The following C12orf42 variants were observed in gnomAD, a reference collection of about 807,000 sequenced individuals.
C12orf42 encodes chromosome 12 open reading frame 42.
In C12orf42, 25 loss-of-function variants were observed where a neutral mutation model predicts 21.6. The observed-to-expected ratio is 1.16, with a 90% CI of 0.84 to 1.62. C12orf42 has a LOEUF of 1.62. Ranked by LOEUF, C12orf42 falls within the 40% of genes most tolerant of loss-of-function variation. The probability of loss-of-function intolerance (pLI) is 0.00; values close to 1 mark genes in which losing one functional copy is unlikely to be tolerated. For missense variants in C12orf42, 483 were observed against 459.3 expected, an observed-to-expected ratio of 1.05 and a Z score of -0.47; for synonymous variants, 174 against 175.0, an observed-to-expected ratio of 0.99 and a Z score of 0.05.
chr12:103,198,132 A>G, the C12orf42 span, among the ~76,000 whole-genome samples: 1 of 152,234 alleles, frequency 6.6e-6, no homozygotes, highest in Non-Finnish European at 1.5e-5. Flanking sequence ...CATACATGCA[A>G]TAGTGGCGGT....
At chr12:103,451,868 C>A (rs927363190) in intron 2 of C12orf42, among the ~76,000 whole-genome samples, 1 of 152,008 alleles carries the variant, frequency 6.6e-6, no homozygotes, top group Non-Finnish European at 1.5e-5. Flanking sequence ...GCTTGTAGCC[C>A]AGTTCCAAAA....
the C12orf42 span, among the ~76,000 whole-genome samples, chr12:103,173,702 C>T: frequency 1.3e-5 from 2 of 152,130 alleles, no homozygotes; most frequent in South Asian, 2.1e-4. Context: ...GTCCTCTCCC[C>T]GTGATTCTTT....
chr12:103,261,825 G>A (rs1331268812), intron 10 of C12orf42, among the ~76,000 whole-genome samples: 2 of 152,060 alleles, frequency 1.3e-5, no homozygotes, highest in African/African-American at 2.4e-5. Context: ...TTTACCATTA[G>A]AAGGAAAGTT....
At chr12:103,147,503 CTTTTTTT>C in the C12orf42 span, among the ~76,000 whole-genome samples, 2 of 99,970 alleles carry the variant, frequency 2.0e-5, no homozygotes, top group South Asian at 3.3e-4. Context: ...CTTTTTTTTT[CTTTTTTT>C]TTTTTTTTTT....
At chr12:103,548,464 C>T in the C12orf42 span, among the ~76,000 whole-genome samples, 1 of 152,144 alleles carries the variant, frequency 6.6e-6, no homozygotes, top group African/African-American at 2.4e-5. Flanking sequence ...CAATGACCAT[C>T]TAATGAAACT....
downstream of C12orf42, among the ~76,000 whole-genome samples, chr12:103,232,659 C>T (rs780066198): frequency 5.7e-4 from 82 of 142,724 alleles, no homozygotes; most frequent in Non-Finnish European, 5.1e-4. Context: ...TGAAGTGAGC[C>T]GAGATCACGC....
At chr12:103,481,379 G>T (rs143237793) in intron 1 of C12orf42, among the ~76,000 whole-genome samples, 342 of 151,986 alleles carry the variant, frequency 2.3e-3, no homozygotes, top group African/African-American at 7.7e-3. Flanking sequence ...TACCATACAG[G>T]AAAAGTCTTA....
At chr12:103,380,281 T>C (rs544229431) in intron 3 of C12orf42, among the ~76,000 whole-genome samples, 9 of 152,306 alleles carry the variant, frequency 5.9e-5, no homozygotes, top group Non-Finnish European at 8.8e-5. Context: ...AGAATTTTCA[T>C]AGAAAATTTA....
At chr12:103,327,538 A>G (rs1433278384) in intron 4 of C12orf42, among the ~76,000 whole-genome samples, 1 of 152,214 alleles carries the variant, frequency 6.6e-6, no homozygotes, top group Non-Finnish European at 1.5e-5. Flanking sequence ...AGGAAAGGCA[A>G]TGATTTATAG....
At chr12:103,069,667 G>A in the C12orf42 span, among the ~76,000 whole-genome samples, 8 of 152,298 alleles carry the variant, frequency 5.3e-5, no homozygotes, top group African/African-American at 9.6e-5. Flanking sequence ...TCAAGCCTTC[G>A]TAAGTCAGGG....
chr12:103,416,628 T>TAA (rs35347537), intron 2 of C12orf42, among the ~76,000 whole-genome samples: 34 of 150,786 alleles, frequency 2.3e-4, no homozygotes, highest in Admixed American at 1.1e-3. Flanking sequence ...GCAAGACAGT[T>TAA]AAAAAAAAAG....
the C12orf42 span, among the ~76,000 whole-genome samples, chr12:103,124,068 C>G: frequency 6.7e-6 from 1 of 148,312 alleles, no homozygotes; most frequent in Non-Finnish European, 1.5e-5. Flanking sequence ...TAAGAAGACT[C>G]TGTATCAAGA....
chr12:103,138,558 C>A, the C12orf42 span, among the ~76,000 whole-genome samples: 1 of 152,116 alleles, frequency 6.6e-6, no homozygotes, highest in African/African-American at 2.4e-5. Context: ...CAAAAATAAC[C>A]CAGTCTCAGG....
the C12orf42 span, among the ~76,000 whole-genome samples, chr12:103,160,571 G>C: frequency 6.6e-6 from 1 of 152,096 alleles, no homozygotes; most frequent in Admixed American, 6.5e-5. Flanking sequence ...ATTCCTCAAA[G>C]AAGATCCCTC....
downstream of C12orf42, among the ~76,000 whole-genome samples, chr12:103,234,821 C>T (rs976072655): frequency 6.6e-6 from 1 of 152,078 alleles, no homozygotes; most frequent in African/African-American, 2.4e-5. Context: ...CTTTATTGCT[C>T]AGTTATGAAT....
the C12orf42 span, among the ~76,000 whole-genome samples, chr12:103,133,876 C>T: frequency 6.6e-6 from 1 of 152,242 alleles, no homozygotes; most frequent in Non-Finnish European, 1.5e-5. Context: ...CCCCTTCACT[C>T]ACCTCTCTTC....
chr12:103,422,713 C>T (rs2050014128), intron 2 of C12orf42, among the ~76,000 whole-genome samples: 1 of 151,924 alleles, frequency 6.6e-6, no homozygotes, highest in Non-Finnish European at 1.5e-5. Context: ...ACTGCACTAG[C>T]AGGTGGGTAT....
chr12:103,347,020 G>A (rs899942301), intron 4 of C12orf42, among the ~76,000 whole-genome samples: 2 of 152,148 alleles, frequency 1.3e-5, no homozygotes, highest in Non-Finnish European at 2.9e-5. Context: ...TGACATCACA[G>A]CATCACTGAC....
intron 4 of C12orf42, among the ~76,000 whole-genome samples, chr12:103,334,240 T>C (rs2041490278): frequency 6.6e-6 from 1 of 152,206 alleles, no homozygotes; most frequent in African/African-American, 2.4e-5. Flanking sequence ...TTTCAGGAGA[T>C]TGGCGTATCC....
Sources: gnomAD v4.1 joint callset for allele counts (sites outside exome capture counted in the v4.1 genomes callset) on GRCh38, gnomAD v4.1.1 for gene constraint, MANE v1.5 for transcripts, NCBI Gene and HGNC (gene_info 2026-07-23, HGNC 2026-07-21) for gene names.